Variants in RBFOX1 observed in about 807,000 individuals in gnomAD.
RBFOX1 encodes RNA binding fox-1 homolog 1.
A neutral mutation model predicts 57.7 loss-of-function variants in RBFOX1; 8 were observed. That is an observed-to-expected ratio of 0.14 (90% CI 0.08 to 0.25). The LOEUF is 0.25. RBFOX1 is among the 10% of genes least tolerant of loss of function. RBFOX1 has a pLI of 1.00. For missense variants in RBFOX1, 611 were observed against 548.5 expected, an observed-to-expected ratio of 1.11 and a Z score of -1.14; for synonymous variants, 326 against 222.4, an observed-to-expected ratio of 1.47 and a Z score of -4.15.
At chr16:7,151,191 C>T (rs916420561) in intron 4 of RBFOX1, among the ~76,000 whole-genome samples, 1 of 152,134 alleles carries the variant, frequency 6.6e-6, no homozygotes, top group Non-Finnish European at 1.5e-5. Context: ...TGGCAAAAAT[C>T]AGATCTCACT....
exon 3 of RBFOX1, chr16:5,599,308 C>G: frequency 1.6e-6 from 1 of 622,910 alleles, no homozygotes; most frequent in Non-Finnish European, 2.9e-6. Context: ...TGTGGGAGCA[C>G]GTGAAAGAAG....
intron 3 of RBFOX1, among the ~76,000 whole-genome samples, chr16:5,726,541 G>A (rs1001280671): frequency 2.6e-5 from 4 of 152,142 alleles, no homozygotes; most frequent in African/African-American, 9.7e-5. Context: ...AGGTCAGCCA[G>A]GGGCAAATCC....
chr16:5,366,243 C>A, intron 1 of RBFOX1: 1 of 406,138 alleles, frequency 2.5e-6, no homozygotes, highest in Admixed American at 3.0e-5. Context: ...TAGCATGGTT[C>A]CACAGAAAAA....
At chr16:6,560,586 G>A (rs1489233473) in intron 2 of RBFOX1, among the ~76,000 whole-genome samples, 3 of 152,192 alleles carry the variant, frequency 2.0e-5, no homozygotes, top group Non-Finnish European at 2.9e-5. Context: ...AGCAAGGTGA[G>A]GAGGAGGTGC....
intron 4 of RBFOX1, among the ~76,000 whole-genome samples, chr16:7,124,405 C>A (rs1008246115): frequency 6.6e-6 from 1 of 152,060 alleles, no homozygotes; most frequent in Non-Finnish European, 1.5e-5. Flanking sequence ...CAGAATGAAA[C>A]TCTGTCATAA....
chr16:7,604,088 G>T lies in RBFOX1; in HGVS notation c.623-3197G>T, dbSNP rs8062126. On this transcript the variant is annotated intron_variant, in intron 9 of 15. Transcript: ENST00000550418. ...GATTTTCTAATGGATCACACATGGG[G>T]TATGAGGGTAAGAGAAGAATCAAGG... 6.2e-3 allele frequency among the ~76,000 whole-genome samples: 941 copies of T among 152,272 alleles called. 10 individuals are homozygous for T. The highest frequency in any genetic ancestry group is 0.021 in the African/African-American group (864 of 41,554).
intron 2 of RBFOX1, among the ~76,000 whole-genome samples, chr16:6,495,627 AGCTT>A (rs2095749954): frequency 6.6e-6 from 1 of 152,194 alleles, no homozygotes. Flanking sequence ...TCTGCCTTAA[AGCTT>A]GCTTTATTTG....
At chr16:6,404,851 C>T (rs1417726798) in intron 2 of RBFOX1, among the ~76,000 whole-genome samples, 1 of 152,148 alleles carries the variant, frequency 6.6e-6, no homozygotes, top group Non-Finnish European at 1.5e-5. Flanking sequence ...GATTAGAGCT[C>T]CTGGAATACT....
At chr16:7,103,689 A>T (rs2063092104) in intron 4 of RBFOX1, among the ~76,000 whole-genome samples, 1 of 152,200 alleles carries the variant, frequency 6.6e-6, no homozygotes, top group Admixed American at 6.5e-5. Context: ...GACTTAAAGA[A>T]ACGTAAATAA....
intron 2 of RBFOX1, among the ~76,000 whole-genome samples, chr16:6,604,023 A>T (rs2154013662): frequency 6.6e-6 from 1 of 152,098 alleles, no homozygotes; most frequent in Non-Finnish European, 1.5e-5. Context: ...CCTTTCATGT[A>T]GCTGCCTTTG....
At chr16:5,249,973 G>A (rs999886695) in intron 1 of RBFOX1, among the ~76,000 whole-genome samples, 2 of 151,798 alleles carry the variant, frequency 1.3e-5, no homozygotes, top group Admixed American at 6.6e-5. Flanking sequence ...GTTGCAGTGA[G>A]GAGCAGATTG....
chr16:5,506,378 C>T lies in RBFOX1; in HGVS notation c.258+39124C>T, dbSNP rs569889928. 4.6e-5 allele frequency among the ~76,000 whole-genome samples: 7 copies of T among 152,320 alleles called. No homozygotes were observed. The South Asian group carries it at 8.3e-4, about 18-fold the overall frequency. On this transcript the variant is annotated intron_variant, in intron 2 of 2. Coordinates refer to the RBFOX1 transcript ENST00000585867. ...CCTTTCTCTCCCTCTCTGTCCTTCTCTGACTCCGTGGACTCTAAACCCCAA... is the reference window on the plus strand; with the variant it reads ...CCTTTCTCTCCCTCTCTGTCCTTCTTTGACTCCGTGGACTCTAAACCCCAA...
chr16:5,334,597 T>G (rs2064849005), intron 1 of RBFOX1, among the ~76,000 whole-genome samples: 1 of 152,062 alleles, frequency 6.6e-6, no homozygotes, highest in Non-Finnish European at 1.5e-5. Flanking sequence ...CCTAACAGGA[T>G]TTTAAAAAGC....
At chr16:6,764,985 A>G (rs1175129129) in intron 3 of RBFOX1, among the ~76,000 whole-genome samples, 2 of 152,036 alleles carry the variant, frequency 1.3e-5, no homozygotes, top group African/African-American at 2.4e-5. Context: ...GGATATTGTA[A>G]TGGAGAATCA....
rs143046314 is a variant in RBFOX1 at position 5,973,433 on chromosome 16, C to G, written c.351+106098C>G. ...ATGTCTTGCCATTTTGTTCACACAC[C>G]TGTATGCACAAAGCCAGAGTTCCCT... On this transcript the variant is annotated intron_variant, in intron 4 of 19. Transcript: ENST00000641259. Among the ~76,000 whole-genome samples the G allele has an allele frequency of 3.4e-3, 525 of 152,306 alleles. 2 individuals are homozygous for G. The highest frequency in any genetic ancestry group is 0.011 in the African/African-American group (472 of 41,560).
chr16:6,883,469 G>C (rs943202350), intron 3 of RBFOX1, among the ~76,000 whole-genome samples: 13 of 152,166 alleles, frequency 8.5e-5, no homozygotes, highest in African/African-American at 2.9e-4. Flanking sequence ...TGCACTAGCC[G>C]CTTTCTCTTA....
intron 4 of RBFOX1, among the ~76,000 whole-genome samples, chr16:7,467,207 T>C (rs772686511): frequency 2.6e-5 from 4 of 152,084 alleles, no homozygotes; most frequent in Non-Finnish European, 4.4e-5. Flanking sequence ...GAATTCTGAG[T>C]TAAGCATAAT....
At chr16:7,228,836 G>A (rs781118240) in intron 4 of RBFOX1, among the ~76,000 whole-genome samples, 19 of 152,106 alleles carry the variant, frequency 1.2e-4, no homozygotes, top group East Asian at 1.9e-4. Flanking sequence ...CTAACTTCAC[G>A]TTCACTTGAA....
intron 4 of RBFOX1, among the ~76,000 whole-genome samples, chr16:5,874,424 G>GT (rs1435555934): frequency 2.6e-5 from 4 of 152,198 alleles, no homozygotes; most frequent in Non-Finnish European, 4.4e-5. Context: ...TGATCCGAGT[G>GT]TTCTTGAGGC....
Sources: gnomAD v4.1 joint callset for allele counts (sites outside exome capture counted in the v4.1 genomes callset) on GRCh38, gnomAD v4.1.1 for gene constraint, MANE v1.5 for transcripts, NCBI Gene and HGNC (gene_info 2026-07-23, HGNC 2026-07-21) for gene names.